PBXIP1: variants seen among roughly 807,000 people sequenced by gnomAD.
The protein encoded by PBXIP1 is pre-B-cell leukemia transcription factor-interacting protein 1.
In PBXIP1, 73 loss-of-function variants were observed where a neutral mutation model predicts 73.7. The observed-to-expected ratio is 0.99, with a 90% CI of 0.82 to 1.20. The LOEUF (loss-of-function observed/expected upper bound fraction) is 1.20, where lower values mean the gene tolerates loss of function less well. PBXIP1 is among the 50% of genes most tolerant of loss of function. The pLI is 0.00. For missense variants in PBXIP1, 818 were observed against 911.4 expected, an observed-to-expected ratio of 0.90 and a Z score of 1.32; for synonymous variants, 330 against 366.9, an observed-to-expected ratio of 0.90 and a Z score of 1.15.
At position 154,945,021 on chromosome 1, in the gene PBXIP1, G is replaced by A. The variant is rs1013245568; in HGVS notation, c.*3C>T. 4.3e-6 allele frequency: 7 copies of A among 1,611,570 alleles called. No homozygotes were observed. In the African/African-American group the frequency reaches 5.3e-5, roughly 12 times the overall value. On this transcript the variant is annotated 3_prime_UTR_variant, in exon 11 of 11. Coordinates refer to ENST00000368463, the MANE Select transcript of PBXIP1 (RefSeq NM_020524.4). ...CCAAGGCCATTCCCTGTGGGGCAGG[G>A]TGTCAGCCCCGGTGGTGGTGGTGGT...
rs368066938 is a variant in PBXIP1 at position 154,945,819 on chromosome 1, G to C, written c.1855C>G (p.Leu619Val). The change falls in exon 10 of 11, where the codon CTA (leucine) becomes GTA (valine). Residue 619 changes from leucine to valine, a missense_variant. Physicochemically the swap from Leu to Val is conservative, Grantham distance 32 (BLOSUM62 1). Transcript: ENST00000368463. ...PVRQQELASL[L>V]RTYLARLPWA... is the part of the protein sequence containing the mutation. ...GGCAGCCGTGCCAAGTATGTTCTTA[G>C]CAGAGAGGCCAGCTCCTGTTGCCGC... 13 of 1,614,198 alleles carry C rather than the reference G, an allele frequency of 8.1e-6. No individual in the cohort carries two copies. The highest frequency in any genetic ancestry group is 1.1e-5 in the Non-Finnish European group (13 of 1,180,034).
intron 5 of PBXIP1, among the ~76,000 whole-genome samples, chr1:154,950,773 C>T (rs538472849): frequency 1.3e-5 from 2 of 152,386 alleles, no homozygotes; most frequent in East Asian, 3.9e-4. Flanking sequence ...CCCTTGCCCT[C>T]AACCAGTCCC....
chr1:154,945,465 G>T, intron 10 of PBXIP1, 107 bp downstream of exon 10: 1 of 1,243,006 alleles, frequency 8.0e-7, no homozygotes, highest in Non-Finnish European at 1.1e-6. Flanking sequence ...TCTAAGGGAA[G>T]CCAGCTGGGG....
chr1:154,946,746 TCTC>T lies in PBXIP1; in HGVS notation c.925_927del (p.Glu309del). On this transcript the variant is annotated inframe_deletion, in exon 10 of 11. Coordinates refer to ENST00000368463, the MANE Select transcript of PBXIP1 (RefSeq NM_020524.4). The stretch of plus-strand genomic sequence containing the variant: ...TGCAGAGCCCCCCGGAGCTGGGCAT[TCTC>T]CTCCTCTAGCCCTTTGGGCTGGTGC... 6.3e-7 allele frequency: 1 copy of T among 1,597,674 alleles called. No homozygotes were observed. Among genetic ancestry groups the T allele is most frequent in the Non-Finnish European group, 8.5e-7 (1 of 1,169,692 alleles).
At position 154,945,116 on chromosome 1, in the gene PBXIP1, A is replaced by G. The variant is rs1387493247; in HGVS notation, c.2104T>C (p.Ser702Pro). The G allele has an allele frequency of 2.5e-6, 4 of 1,611,226 alleles. No homozygotes were observed. In the African/African-American group the frequency reaches 5.3e-5, roughly 22 times the overall value. The change falls in exon 11 of 11, where the codon TCA (serine) becomes CCA (proline). Residue 702 changes from serine (S) to proline (P), a missense_variant and splice_region_variant. Transcript: ENST00000368463. The stretch of plus-strand genomic sequence containing the variant: ...TGTGAGTGCTTGTCCTTCTTCCCTG[A>G]CCTGTGGGGAGGAAGAGGCCTTTAG... Reference protein sequence around the residue: ...FFGDKALKKRSGKKDKHSQSP... With the variant: ...FFGDKALKKRPGKKDKHSQSP...
chr1:154,952,004 T>C, intron 2 of PBXIP1, 83 bp from the exon 3 acceptor site: 1 of 1,476,920 alleles, frequency 6.8e-7, no homozygotes. Context: ...CATTCAGTCA[T>C]GAGCTGGCCC....
rs1488477106 is a variant in PBXIP1, at chr1:154,947,722, A to C, written c.668-10T>G. 6.2e-7 allele frequency: 1 copy of C among 1,612,536 alleles called. No individual in the cohort carries two copies. The highest frequency in any genetic ancestry group is 1.1e-5 in the South Asian group (1 of 91,050). The stretch of plus-strand genomic sequence containing the variant: ...ACTTCCTCCATGGGCCCTGTGGGAA[A>C]GGGAAACCCTGAAACTGGTCCTGAG... On this transcript the variant is annotated splice_polypyrimidine_tract_variant and intron_variant, in intron 7 of 10. Coordinates refer to ENST00000368463, the MANE Select transcript of PBXIP1 (RefSeq NM_020524.4).
In PBXIP1 at chr1:154,945,962, A is replaced by T. The variant is rs1309282862; in HGVS notation, c.1712T>A (p.Leu571Gln). Residue 571 changes from leucine to glutamine, a missense_variant, in exon 10 of 11, where the codon CTG becomes CAG. Leu to Gln is a moderately radical substitution (Grantham distance 113). Transcript: ENST00000368463. ...REGTKDSHDP[L>Q]PSWAELLRPK... ...CCTCAACAGCTCTGCCCAGGATGGC[A>T]GGGGGTCATGGCTGTCCTTAGTCCC... 1.9e-6 allele frequency: 3 copies of T among 1,614,048 alleles called. No individual in the cohort carries two copies. Among genetic ancestry groups the T allele is most frequent in the Non-Finnish European group, 1.7e-6 (2 of 1,179,910 alleles).
At chr1:154,946,869 T>A in intron 9 of PBXIP1, 66 bp from the exon 10 acceptor site, 1 of 1,436,900 alleles carries the variant, frequency 7.0e-7, no homozygotes, top group Non-Finnish European at 9.3e-7. Flanking sequence ...CAATGCCTTC[T>A]ACCCCAATTC....
In PBXIP1 at chr1:154,947,665, G is replaced by T; in HGVS notation, c.715C>A (p.Leu239Met). 6.2e-7 allele frequency: 1 copy of T among 1,613,910 alleles called. No homozygotes were observed. The highest frequency in any genetic ancestry group is 8.5e-7 in the Non-Finnish European group (1 of 1,179,984). The change falls in exon 8 of 11, where the codon CTG (leucine) becomes ATG (methionine). Residue 239 changes from leucine (L) to methionine (M), a missense_variant. Leu to Met is a conservative substitution (Grantham distance 15). Coordinates refer to ENST00000368463, the MANE Select transcript of PBXIP1 (RefSeq NM_020524.4). Reference sequence around the variant, plus strand: ...ACCTGCCTGTCCCCCACAGCTTCCAGCACCTCGGGGTCTGGGAGGACCTGC... The same window carrying T: ...ACCTGCCTGTCCCCCACAGCTTCCATCACCTCGGGGTCTGGGAGGACCTGC... Reference protein sequence around the residue: ...ERQVLPDPEVLEAVGDRQDGL... With the variant: ...ERQVLPDPEVMEAVGDRQDGL...
chr1:154,947,396 G>A, intron 9 of PBXIP1, 21 bp downstream of exon 9: 1 of 1,613,740 alleles, frequency 6.2e-7, no homozygotes, highest in Non-Finnish European at 8.5e-7. Context: ...CCCTAGCCCA[G>A]CCCCTCCTGC....
chr1:154,951,288 G>A lies in PBXIP1; in HGVS notation c.353C>T (p.Thr118Ile), dbSNP rs199580176. ...AGGGCTCTGGCCTTCCAGGTCCTGT[G>A]TGTCTGGTCCCAGGCCTGTCACCAC... ...TTVVTGLGPDTQDLEGQSPPQ... is the reference protein window; with the variant it reads ...TTVVTGLGPDIQDLEGQSPPQ... The change falls in exon 5 of 11, where the codon ACA (threonine) becomes ATA (isoleucine). Residue 118 changes from threonine to isoleucine, a missense_variant. Transcript: ENST00000368463. This position sits in a 1 kb window ranked among gnomAD's most constrained non-coding sequence, Gnocchi z 4.3. The A allele has an allele frequency of 6.2e-7, 1 of 1,614,140 alleles. No individual in the cohort carries two copies. The highest frequency in any genetic ancestry group is 8.5e-7 in the Non-Finnish European group (1 of 1,179,990).
intron 7 of PBXIP1, 60 bp from the exon 8 acceptor site, chr1:154,947,772 A>G: frequency 6.5e-7 from 1 of 1,535,224 alleles, no homozygotes; most frequent in South Asian, 1.1e-5. Flanking sequence ...TTCTCCCCAC[A>G]CCTTCCCATT....
chr1:154,953,827 G>A (rs1655089271), intron 1 of PBXIP1, 70 bp from the exon 2 acceptor site: 1 of 1,026,158 alleles, frequency 9.7e-7, no homozygotes, highest in Non-Finnish European at 1.5e-6. Context: ...AGCAGCCTTG[G>A]CTGGGTTCCA....
chr1:154,945,290 TGG>T (rs1292182103), intron 10 of PBXIP1, among the ~76,000 whole-genome samples, 173 bp from the exon 11 acceptor site: 1 of 152,074 alleles, frequency 6.6e-6, no homozygotes, highest in Non-Finnish European at 1.5e-5. Flanking sequence ...GACAGGAAGA[TGG>T]GGATCTCCCT....
rs1467993668 is a variant in PBXIP1, at chr1:154,948,029, T to C, written c.644-24A>G. The C allele has an allele frequency of 5.6e-6, 9 of 1,610,216 alleles. No individual in the cohort carries two copies. In the Admixed American group the frequency reaches 1.5e-4, roughly 27 times the overall value. On this transcript the variant is annotated intron_variant, in intron 6 of 10. Transcript: ENST00000368463. The stretch of plus-strand genomic sequence containing the variant: ...ACCTAAGGACAGAGACAGAGGAGTC[T>C]GATGAGGCCCTCGGGGAGGGGTGAT...
chr1:154,946,956 C>T (rs1654847667), intron 9 of PBXIP1, 153 bp from the exon 10 acceptor site: 1 of 641,056 alleles, frequency 1.6e-6, no homozygotes, highest in African/African-American at 1.8e-5. Flanking sequence ...TTTCATCCTC[C>T]ACCCCATCTC....
In PBXIP1 at chr1:154,944,208, T is replaced by A. The variant is rs535229782; in HGVS notation, c.*816A>T. On this transcript the variant is annotated 3_prime_UTR_variant, in exon 11 of 11. Coordinates refer to ENST00000368463, the MANE Select transcript of PBXIP1 (RefSeq NM_020524.4). ...CTTGGCCTGGATTTGAGCCTGAGGCTCAGACTCCAAAACCCACACTCAATT... is the reference window on the plus strand; with the variant it reads ...CTTGGCCTGGATTTGAGCCTGAGGCACAGACTCCAAAACCCACACTCAATT... 6.6e-6 allele frequency: 1 copy of A among 152,170 alleles called. No individual in the cohort carries two copies. Among genetic ancestry groups the A allele is most frequent in the Non-Finnish European group, 1.5e-5 (1 of 68,034 alleles). The allele number at this position is 152,170 out of a possible 1,614,324, so 9.4% of individuals were successfully genotyped here.
At position 154,953,747 on chromosome 1, in the gene PBXIP1, G is replaced by A. The variant is rs972611113; in HGVS notation, c.-26C>T. ...AGTTGCTGAGGTCCCTGAGGCTGCT[G>A]TGGCTGCCACCTGCAGAAGAAAGCT... On this transcript the variant is annotated 5_prime_UTR_variant, in exon 2 of 11. Transcript: ENST00000368463. 5.0e-6 allele frequency: 8 copies of A among 1,609,076 alleles called. No individual in the cohort carries two copies. The African/African-American group carries it at 9.4e-5, about 19-fold the overall frequency.
Sources: allele counts gnomAD v4.1 joint callset (sites outside exome capture counted in the v4.1 genomes callset), GRCh38; gene constraint gnomAD v4.1.1; non-coding constraint Gnocchi (gnomAD v3.1); transcripts MANE v1.5; gene names NCBI Gene and HGNC (gene_info 2026-07-23, HGNC 2026-07-21).